The following ENAH variants were observed in gnomAD, a reference collection of about 807,000 sequenced individuals.
ENAH encodes protein enabled homolog.
In ENAH, 23 loss-of-function variants were observed where a neutral mutation model predicts 78.7. That is an observed-to-expected ratio of 0.29 (90% CI 0.21 to 0.41). ENAH has a LOEUF of 0.41. Ranked by LOEUF, ENAH falls within the 10% of genes least tolerant of loss-of-function variation. The probability of loss-of-function intolerance (pLI) is 1.00; values close to 1 mark genes in which losing one functional copy is unlikely to be tolerated. For synonymous variants in ENAH, 226 were observed against 241.0 expected (o/e 0.94, Z 0.58); for missense variants, 544 against 691.0 (o/e 0.79, Z 2.39).
intron 2 of ENAH, among the ~76,000 whole-genome samples, chr1:225,560,871 G>C (rs2096700280): frequency 6.6e-6 from 1 of 152,208 alleles, no homozygotes; most frequent in South Asian, 2.1e-4. Flanking sequence ...CAGAATGCTA[G>C]AAAAAGTTGT....
rs563306623 is a variant in ENAH at position 225,498,027 on chromosome 1, G to A, written c.1676-215C>T. On this transcript the variant is annotated intron_variant, in intron 13 of 13. Transcript: ENST00000366843. ...CTTTTGTATACAAAATGAAAACACT[G>A]ATTATGTGGGCTCAAAAACAAGAGG... Among the ~76,000 whole-genome samples the A allele has an allele frequency of 7.2e-5, 11 of 152,216 alleles. No individual in the cohort carries two copies. In the South Asian group the frequency reaches 2.1e-3, roughly 29 times the overall value.
At position 225,517,066 on chromosome 1, in the gene ENAH, A is replaced by C. The variant is rs75315460; in HGVS notation, c.913+130T>G. ...TAATTTTTTTAATTAAAAAAAAAAAAAGCATGGCATTATGGCATATAAATG... is the reference window on the plus strand; with the variant it reads ...TAATTTTTTTAATTAAAAAAAAAAACAGCATGGCATTATGGCATATAAATG... On this transcript the variant is annotated intron_variant, in intron 6 of 13. Coordinates refer to ENST00000366843, the MANE Select transcript of ENAH (RefSeq NM_018212.6). The C allele has an allele frequency of 1.8e-5, 11 of 610,774 alleles. No homozygotes were observed. The Middle Eastern group carries it at 1.4e-3, about 80-fold the overall frequency. The allele number at this position is 610,774 out of a possible 1,614,324, so 37.8% of individuals were successfully genotyped here. A position where few individuals can be genotyped will look rare whatever the true frequency, so the allele number is the denominator to read the frequency against.
At chr1:225,580,042 T>C (rs1163414013) in intron 1 of ENAH, 1 of 152,156 alleles carries the variant, frequency 6.6e-6, no homozygotes, top group Non-Finnish European at 1.5e-5. Flanking sequence ...ACTCTAAGTA[T>C]ACACTGTAAG....
At chr1:225,646,846 T>C (rs1043871498) in intron 1 of ENAH, among the ~76,000 whole-genome samples, 1 of 152,072 alleles carries the variant, frequency 6.6e-6, no homozygotes. Flanking sequence ...ACCCAGTCTA[T>C]GGTATTTTGT....
At chr1:225,605,959 T>C (rs2096953479) in intron 1 of ENAH, among the ~76,000 whole-genome samples, 3 of 152,222 alleles carry the variant, frequency 2.0e-5, no homozygotes, top group Admixed American at 2.0e-4. Flanking sequence ...TATTTTGTCA[T>C]GGCAGCCCTA....
At position 225,498,349 on chromosome 1, in the gene ENAH, T is replaced by A. The variant is rs113170551; in HGVS notation, c.1673A>T (p.Asp558Val). Reference protein sequence around the residue: ...ELTKLKEELIDAIRQELSKSN... With the variant: ...ELTKLKEELIVAIRQELSKSN... ...AGTAAATTTGTCCAGACACTTACCA[T>A]CAATGAGCTCTTCTTTTAGCTTTGT... The change falls in exon 13 of 14, where the codon GAT (aspartate) becomes GTT (valine). Residue 558 changes from aspartate (D) to valine (V), a missense_variant and splice_region_variant. Coordinates refer to ENST00000366843, the MANE Select transcript of ENAH (RefSeq NM_018212.6). 42 of 1,593,576 alleles carry A rather than the reference T, an allele frequency of 2.6e-5. No individual in the cohort carries two copies. Among genetic ancestry groups the A allele is most frequent in the Non-Finnish European group, 3.5e-5 (41 of 1,165,698 alleles).
intron 1 of ENAH, among the ~76,000 whole-genome samples, chr1:225,625,950 T>C (rs755330081): frequency 6.6e-6 from 1 of 152,210 alleles, no homozygotes; most frequent in Non-Finnish European, 1.5e-5. Context: ...CCCACCACAG[T>C]ACCTCATCCC....
chr1:225,577,375 T>G (rs970386748), intron 1 of ENAH, among the ~76,000 whole-genome samples: 11 of 152,100 alleles, frequency 7.2e-5, no homozygotes, highest in African/African-American at 2.4e-4. Context: ...GCTGAGAGAT[T>G]GAGGAATACA....
intron 1 of ENAH, among the ~76,000 whole-genome samples, chr1:225,587,460 G>C (rs2096852963): frequency 6.6e-6 from 1 of 152,144 alleles, no homozygotes; most frequent in South Asian, 2.1e-4. Context: ...ATAATATCAT[G>C]CGTAAAATCT....
At chr1:225,581,234 T>C (rs1049257839) in intron 1 of ENAH, 18 of 971,538 alleles carry the variant, frequency 1.9e-5, no homozygotes, top group Non-Finnish European at 2.2e-5. Flanking sequence ...TCTCAGTAAC[T>C]GAATAGATTA....
At chr1:225,501,393 A>G (rs2096281604) in intron 11 of ENAH, 2 of 250,682 alleles carry the variant, frequency 8.0e-6, no homozygotes, top group African/African-American at 4.5e-5. Context: ...AGTGATGAAG[A>G]GGCCAGCTGA....
chr1:225,601,806 C>G (rs906578534), intron 1 of ENAH, among the ~76,000 whole-genome samples: 1 of 150,778 alleles, frequency 6.6e-6, no homozygotes, highest in Non-Finnish European at 1.5e-5. Flanking sequence ...ATAACCCTTA[C>G]GTTAAAAAGG....
chr1:225,614,491 T>G (rs542434866), intron 1 of ENAH, among the ~76,000 whole-genome samples: 17 of 152,334 alleles, frequency 1.1e-4, no homozygotes, highest in Admixed American at 1.0e-3. Flanking sequence ...TGCACTTGGA[T>G]GTGTTCTTGC....
chr1:225,569,577 T>A (rs2096750791), intron 1 of ENAH, among the ~76,000 whole-genome samples: 1 of 152,148 alleles, frequency 6.6e-6, no homozygotes. Flanking sequence ...CTCAAAAAAA[T>A]TTTTTTCTTT....
Position 225,491,897 on chromosome 1 carries a change from A to T in ENAH, c.*5878T>A, listed in dbSNP as rs925018475. On this transcript the variant is annotated 3_prime_UTR_variant, in exon 14 of 14. Transcript: ENST00000366843. ...ATTTCTTTATGCTTTTAGAATTGTCATCTACTGCTGAAGAAATCTTTCTTG... is the reference window on the plus strand; with the variant it reads ...ATTTCTTTATGCTTTTAGAATTGTCTTCTACTGCTGAAGAAATCTTTCTTG... 1.3e-5 allele frequency: 2 copies of T among 152,162 alleles called. No homozygotes were observed. The highest frequency in any genetic ancestry group is 2.1e-4 in the South Asian group (1 of 4,828). 9.4% of individuals were successfully genotyped at this position (152,162 alleles called of 1,614,324 possible).
At chr1:225,507,875 T>A (rs1425553126) in intron 11 of ENAH, 76 bp downstream of exon 11, 4 of 1,077,192 alleles carry the variant, frequency 3.7e-6, no homozygotes, top group Non-Finnish European at 3.9e-6. Flanking sequence ...TACCATTCAA[T>A]TTTTTTCTAC....
chr1:225,541,857 A>G (rs2151329796), intron 3 of ENAH, among the ~76,000 whole-genome samples: 1 of 152,306 alleles, frequency 6.6e-6, no homozygotes, highest in South Asian at 2.1e-4. Flanking sequence ...TTCTAGATGG[A>G]CAGAGCTCTA....
chr1:225,652,443 A>G (rs546763850), intron 1 of ENAH: 122 of 981,844 alleles, frequency 1.2e-4, no homozygotes, highest in Non-Finnish European at 1.5e-4. Flanking sequence ...CCTGGGTGAA[A>G]GAAGAGCATT....
chr1:225,593,403 GGGGGGGGGGGGGGGT>G (rs1558873978), intron 1 of ENAH, among the ~76,000 whole-genome samples: 1 of 62,258 alleles, frequency 1.6e-5, no homozygotes, highest in African/African-American at 6.4e-5. Flanking sequence ...GTGTGTGTGG[GGGGGGGGGGGGGGGT>G]GGGGGGTGCC....
Sources: allele counts gnomAD v4.1 joint callset (sites outside exome capture counted in the v4.1 genomes callset), GRCh38; gene constraint gnomAD v4.1.1; transcripts MANE v1.5; gene names NCBI Gene and HGNC (gene_info 2026-07-23, HGNC 2026-07-21).